RTL4: variants seen among roughly 807,000 people sequenced by gnomAD.
The protein encoded by RTL4 is retrotransposon Gag-like protein 4.
RTL4 carries 4 observed loss-of-function variants against 5.3 expected under a neutral mutation model. That is an observed-to-expected ratio of 0.75 (90% CI 0.37 to 1.72). RTL4 has a LOEUF of 1.72. Among genes scored for constraint, RTL4 ranks in the 40% most tolerant of loss-of-function variants. The probability of loss-of-function intolerance (pLI) is 0.04; values close to 1 mark genes in which losing one functional copy is unlikely to be tolerated. For synonymous variants in RTL4, 98 were observed against 87.3 expected, an observed-to-expected ratio of 1.12 and a Z score of -0.68; for missense variants, 260 against 227.1, an observed-to-expected ratio of 1.14 and a Z score of -0.93.
the RTL4 span, among the ~76,000 whole-genome samples, chrX:112,380,857 C>T: frequency 4.5e-5 from 5 of 111,834 alleles, no homozygotes; most frequent in Non-Finnish European, 7.5e-5. Flanking sequence ...TCTCTGCAGC[C>T]TGGGAGGGCT....
chrX:112,278,034 G>A, the RTL4 span, among the ~76,000 whole-genome samples: 1 of 111,845 alleles, frequency 8.9e-6, no homozygotes, highest in African/African-American at 3.2e-5. Flanking sequence ...TCTATTTGAT[G>A]TTACTTACTA....
chrX:112,348,776 T>C, the RTL4 span, among the ~76,000 whole-genome samples: 2 of 109,812 alleles, frequency 1.8e-5, no homozygotes, highest in Non-Finnish European at 3.8e-5. Flanking sequence ...AACAAGTGGT[T>C]AGAGGCAATT....
At chrX:112,434,901 TCA>T in the RTL4 span, among the ~76,000 whole-genome samples, 6 of 111,394 alleles carry the variant, frequency 5.4e-5, no homozygotes, top group Admixed American at 9.6e-5. Flanking sequence ...ATTAATTGAC[TCA>T]CAGTTCTGCA....
chrX:112,401,596 C>A, the RTL4 span, among the ~76,000 whole-genome samples: 11 of 101,671 alleles, frequency 1.1e-4, no homozygotes, highest in Admixed American at 2.2e-4. Flanking sequence ...ATAGTGAATA[C>A]CCTCTTTAGA....
the RTL4 span, among the ~76,000 whole-genome samples, chrX:112,236,077 T>C: frequency 6.3e-5 from 7 of 110,596 alleles, no homozygotes; most frequent in African/African-American, 2.3e-4. Context: ...AAACAATTGA[T>C]ACTGCAAAGT....
chrX:112,450,610 T>A (rs1286120775), upstream of RTL4, among the ~76,000 whole-genome samples: 1 of 111,650 alleles, frequency 9.0e-6, no homozygotes, highest in Non-Finnish European at 1.9e-5. Context: ...CAATTGCCAC[T>A]GACAACAGTG....
chrX:112,356,330 G>A, the RTL4 span, among the ~76,000 whole-genome samples: 17 of 111,252 alleles, frequency 1.5e-4, no homozygotes, highest in Non-Finnish European at 3.8e-5. Flanking sequence ...AATGTATTTC[G>A]TCTAGTCCAG....
the RTL4 span, among the ~76,000 whole-genome samples, chrX:112,326,433 G>A: frequency 9.0e-6 from 1 of 111,595 alleles, no homozygotes; most frequent in Non-Finnish European, 1.9e-5. Context: ...CCCGAATACT[G>A]CGCTTTTCTG....
chrX:112,396,670 A>C, the RTL4 span, among the ~76,000 whole-genome samples: 1 of 110,528 alleles, frequency 9.0e-6, no homozygotes, highest in African/African-American at 3.3e-5. Flanking sequence ...ACAACTAATG[A>C]AACAATATTG....
the RTL4 span, among the ~76,000 whole-genome samples, chrX:112,285,549 A>T: frequency 1.8e-5 from 2 of 111,628 alleles, no homozygotes; most frequent in East Asian, 5.6e-4. Context: ...CAGGAAATGG[A>T]CATCCAATAG....
the RTL4 span, among the ~76,000 whole-genome samples, chrX:112,140,161 T>C: frequency 8.0e-5 from 9 of 112,080 alleles, no homozygotes; most frequent in Non-Finnish European, 1.5e-4. Context: ...TGACTAATGT[T>C]TTCTTTTGAC....
At chrX:112,210,803 C>T in the RTL4 span, among the ~76,000 whole-genome samples, 3 of 112,149 alleles carry the variant, frequency 2.7e-5, no homozygotes, top group Non-Finnish European at 5.6e-5. Context: ...CTTGTGAGAA[C>T]TTAAGAAAAA....
chrX:112,212,350 T>C, the RTL4 span, among the ~76,000 whole-genome samples: 490 of 111,432 alleles, frequency 4.4e-3, 6 homozygotes, highest in African/African-American at 0.015. Flanking sequence ...CACTCCAGCC[T>C]GGGCGACAGA....
chrX:112,091,831 G>A, the RTL4 span, among the ~76,000 whole-genome samples: 14 of 110,921 alleles, frequency 1.3e-4, no homozygotes, highest in East Asian at 5.7e-4. Flanking sequence ...GTGGGGTATC[G>A]AAGTATCCAA....
the RTL4 span, among the ~76,000 whole-genome samples, chrX:112,350,766 T>A: frequency 3.6e-5 from 4 of 111,553 alleles, no homozygotes; most frequent in Admixed American, 9.5e-5. Flanking sequence ...TTTTCTTCTT[T>A]ATTAGTCTTG....
the RTL4 span, among the ~76,000 whole-genome samples, chrX:112,389,534 T>A: frequency 9.0e-6 from 1 of 111,308 alleles, no homozygotes; most frequent in South Asian, 3.8e-4. Flanking sequence ...TGTGGGCATT[T>A]AGTTCTATGA....
At chrX:112,420,540 C>A in the RTL4 span, among the ~76,000 whole-genome samples, 5 of 111,479 alleles carry the variant, frequency 4.5e-5, no homozygotes, top group African/African-American at 6.5e-5. Flanking sequence ...CCAAACAGAC[C>A]TGATTTATAT....
At chrX:112,360,710 T>C in the RTL4 span, among the ~76,000 whole-genome samples, 3 of 111,118 alleles carry the variant, frequency 2.7e-5, no homozygotes, top group Non-Finnish European at 5.7e-5. Context: ...GGCCTCTTGT[T>C]CACAAGAATA....
chrX:112,200,861 G>A, the RTL4 span, among the ~76,000 whole-genome samples: 3 of 111,849 alleles, frequency 2.7e-5, no homozygotes, highest in East Asian at 8.4e-4. Context: ...TTTGTCAGGG[G>A]CAGGATAGAA....
Sources: allele counts gnomAD v4.1 joint callset (sites outside exome capture counted in the v4.1 genomes callset), GRCh38; gene constraint gnomAD v4.1.1; transcripts MANE v1.5; gene names NCBI Gene and HGNC (gene_info 2026-07-23, HGNC 2026-07-21).